The following TMPRSS4 variants were observed in gnomAD, a reference collection of about 807,000 sequenced individuals.
TMPRSS4 encodes transmembrane protease serine 4.
TMPRSS4 carries 45 observed loss-of-function variants against 56.4 expected under a neutral mutation model. The ratio of observed to expected loss-of-function variants is 0.80; its 90% CI spans 0.63 to 1.02. The LOEUF is 1.02. TMPRSS4 is among the 50% of genes least tolerant of loss of function. The pLI, the probability that TMPRSS4 is intolerant of heterozygous loss-of-function variation, is 0.00. For synonymous variants in TMPRSS4, 205 were observed against 211.0 expected (o/e 0.97, Z 0.25); for missense variants, 546 against 556.7 (o/e 0.98, Z 0.19).
At chr11:118,078,114 T>C (rs566862103) in intron 1 of TMPRSS4, among the ~76,000 whole-genome samples, 8 of 151,578 alleles carry the variant, frequency 5.3e-5, no homozygotes, top group Middle Eastern at 3.2e-3. Context: ...CATCTTTTAC[T>C]TGGTCTCTTT....
At chr11:118,089,080 A>G (rs543141640) in intron 1 of TMPRSS4, among the ~76,000 whole-genome samples, 60 of 152,218 alleles carry the variant, frequency 3.9e-4, no homozygotes, top group African/African-American at 1.3e-3. Flanking sequence ...GCAGCTGGCC[A>G]TAAGTCCCTA....
chr11:118,115,427 A>G lies in TMPRSS4; in HGVS notation c.1152+147A>G. On this transcript the variant is annotated intron_variant, in intron 11 of 12. Coordinates refer to ENST00000437212, the MANE Select transcript of TMPRSS4 (RefSeq NM_019894.4). Reference sequence around the variant, plus strand: ...ATGATGGGAGGAAGAGAGGGAGGGAAGGAAAGGATAGTCAGATAAAAGTGT... The same window carrying G: ...ATGATGGGAGGAAGAGAGGGAGGGAGGGAAAGGATAGTCAGATAAAAGTGT... The G allele has an allele frequency of 9.2e-6, 9 of 982,128 alleles. No individual in the cohort carries two copies. In the South Asian group the frequency reaches 1.5e-4, roughly 17 times the overall value. 60.8% of individuals were successfully genotyped at this position (982,128 alleles called of 1,614,324 possible). A position where few individuals can be genotyped will look rare whatever the true frequency, so the allele number is the denominator to read the frequency against.
chr11:118,102,985 C>A, intron 3 of TMPRSS4, 116 bp from the exon 4 acceptor site: 2 of 1,400,554 alleles, frequency 1.4e-6, no homozygotes, highest in Non-Finnish European at 2.0e-6. Context: ...AAAACTGAGC[C>A]TGGAACTCAC....
At position 118,078,598 on chromosome 11, in the gene TMPRSS4, G is replaced by A. The variant is rs955793564; in HGVS notation, c.3+1293G>A. On this transcript the variant is annotated intron_variant, in intron 1 of 12. Coordinates refer to ENST00000437212, the MANE Select transcript of TMPRSS4 (RefSeq NM_019894.4). Reference sequence around the variant, plus strand: ...CAAAGTTTGGCCTGTGTGCAGAGACGCTGTATCCCCTGGGGCTCCCAGGAG... The same window carrying A: ...CAAAGTTTGGCCTGTGTGCAGAGACACTGTATCCCCTGGGGCTCCCAGGAG... Among the ~76,000 whole-genome samples the A allele has an allele frequency of 4.6e-5, 7 of 152,290 alleles. No homozygotes were observed. In the South Asian group the frequency reaches 8.3e-4, roughly 18 times the overall value.
chr11:118,104,167 T>C lies in TMPRSS4; in HGVS notation c.311-524T>C, dbSNP rs139743773. Among the ~76,000 whole-genome samples, 7 of 152,302 alleles carry C rather than the reference T, an allele frequency of 4.6e-5. No individual in the cohort carries two copies. In the East Asian group the frequency reaches 5.8e-4, roughly 13 times the overall value. On this transcript the variant is annotated intron_variant, in intron 4 of 12. Coordinates refer to ENST00000437212, the MANE Select transcript of TMPRSS4 (RefSeq NM_019894.4). ...GCAGGGCTGAGTGACTTTCTGTGTA[T>C]TTGCTCTTTCTTTATCAGAAGTCAA...
At chr11:118,092,738 G>T (rs1261462598) in intron 1 of TMPRSS4, among the ~76,000 whole-genome samples, 3 of 152,208 alleles carry the variant, frequency 2.0e-5, no homozygotes, top group South Asian at 4.1e-4. Flanking sequence ...CCCAAAGTTA[G>T]TTCTGCCTAC....
At chr11:118,112,527 G>A (rs1365689433) in intron 8 of TMPRSS4, among the ~76,000 whole-genome samples, 1 of 151,582 alleles carries the variant, frequency 6.6e-6, no homozygotes, top group Non-Finnish European at 1.5e-5. Flanking sequence ...CAAGTAGCTG[G>A]GACTATAGGC....
At chr11:118,113,147 T>C (rs1591406824) in intron 8 of TMPRSS4, 122 bp from the exon 9 acceptor site, 3 of 960,958 alleles carry the variant, frequency 3.1e-6, no homozygotes, top group Non-Finnish European at 4.5e-6. Context: ...TGCCTCACCA[T>C]CATCTTTCCT....
chr11:118,090,669 T>C (rs1156754040), intron 1 of TMPRSS4, among the ~76,000 whole-genome samples: 2 of 150,702 alleles, frequency 1.3e-5, no homozygotes. Context: ...TCCCAGCTAC[T>C]CAGGAGACTG....
intron 9 of TMPRSS4, among the ~76,000 whole-genome samples, 170 bp downstream of exon 9, chr11:118,113,605 C>G (rs895748022): frequency 1.5e-4 from 23 of 152,300 alleles, no homozygotes; most frequent in African/African-American, 5.5e-4. Flanking sequence ...GAGGCCTCCT[C>G]AAGCTGTCAG....
chr11:118,114,528 G>T (rs1281283134), intron 9 of TMPRSS4, among the ~76,000 whole-genome samples: 1 of 152,192 alleles, frequency 6.6e-6, no homozygotes, highest in Non-Finnish European at 1.5e-5. Context: ...AATTCTCTAG[G>T]CTATAGATGT....
At chr11:118,078,876 A>G (rs1410614181) in intron 1 of TMPRSS4, among the ~76,000 whole-genome samples, 1 of 152,144 alleles carries the variant, frequency 6.6e-6, no homozygotes, top group East Asian at 1.9e-4. Context: ...ACGCACATGC[A>G]CCGGGTTCGC....
chr11:118,108,695 CA>C, intron 6 of TMPRSS4, 160 bp from the exon 7 acceptor site: 1 of 649,804 alleles, frequency 1.5e-6, no homozygotes, highest in Non-Finnish European at 2.7e-6. Flanking sequence ...GCAGGAAATG[CA>C]ATGGATGTCA....
chr11:118,117,604 C>A, intron 12 of TMPRSS4, 150 bp downstream of exon 12: 2 of 1,472,210 alleles, frequency 1.4e-6, no homozygotes, highest in Non-Finnish European at 1.8e-6. Context: ...CCTGAGATTG[C>A]ACTATTAAGG....
chr11:118,116,540 T>C (rs2135465479), intron 11 of TMPRSS4, among the ~76,000 whole-genome samples: 1 of 152,302 alleles, frequency 6.6e-6, no homozygotes, highest in East Asian at 1.9e-4. Flanking sequence ...GTTTTGTTAT[T>C]TGCTTGTTCA....
intron 1 of TMPRSS4, among the ~76,000 whole-genome samples, chr11:118,090,849 A>C (rs886800075): frequency 3.4e-5 from 5 of 147,874 alleles, no homozygotes; most frequent in Non-Finnish European, 6.0e-5. Flanking sequence ...CACACACACA[A>C]AATTAGCCAC....
At chr11:118,123,157 C>T (rs1473171547), downstream of TMPRSS4, among the ~76,000 whole-genome samples, 2 of 151,972 alleles carry the variant, frequency 1.3e-5, no homozygotes, top group South Asian at 2.1e-4. Context: ...TCACATAATA[C>T]CCTCATATCA....
Position 118,089,651 on chromosome 11 carries a change from G to A in TMPRSS4, c.4-5165G>A, listed in dbSNP as rs532618613. 1.8e-4 allele frequency among the ~76,000 whole-genome samples: 28 copies of A among 152,238 alleles called. 1 individual carries two copies. The South Asian group carries it at 5.2e-3, about 28-fold the overall frequency. On this transcript the variant is annotated intron_variant, in intron 1 of 12. Transcript: ENST00000437212. ...CCCTCTCCTGAGGTGGGTAGAGCAAGTGTCTTTCGTTTATTAATTCGACAA... is the reference window on the plus strand; with the variant it reads ...CCCTCTCCTGAGGTGGGTAGAGCAAATGTCTTTCGTTTATTAATTCGACAA...
chr11:118,115,788 A>C (rs1382174457), intron 11 of TMPRSS4, among the ~76,000 whole-genome samples: 1 of 152,136 alleles, frequency 6.6e-6, no homozygotes, highest in Non-Finnish European at 1.5e-5. Flanking sequence ...GCGCCACTGC[A>C]CTCCAGCCTG....
Sources: allele counts gnomAD v4.1 joint callset (sites outside exome capture counted in the v4.1 genomes callset), GRCh38; gene constraint gnomAD v4.1.1; transcripts MANE v1.5; gene names NCBI Gene and HGNC (gene_info 2026-07-23, HGNC 2026-07-21).